Variants in SMYD3 observed in about 807,000 individuals in gnomAD.
SMYD3 encodes histone-lysine N-methyltransferase SMYD3.
In SMYD3, 36 loss-of-function variants were observed where a neutral mutation model predicts 57.7. The observed-to-expected ratio is 0.62, with a 90% CI of 0.48 to 0.82. SMYD3 has a LOEUF of 0.82. Ranked by LOEUF, SMYD3 falls within the 40% of genes least tolerant of loss-of-function variation. SMYD3 has a pLI of 0.00. For synonymous variants in SMYD3, 211 were observed against 195.0 expected, an observed-to-expected ratio of 1.08 and a Z score of -0.68; for missense variants, 515 against 538.8, an observed-to-expected ratio of 0.96 and a Z score of 0.44.
At position 246,071,373 on chromosome 1, in the gene SMYD3, G is replaced by A. The variant is rs188518531; in HGVS notation, c.532-141436C>T. ...AGGGATTAAGGACAATGATGAAGGG[G>A]AATTTTGCCTTTGTTATAAAATGTT... On this transcript the variant is annotated intron_variant, in intron 5 of 11. Transcript: ENST00000490107. Among the ~76,000 whole-genome samples the A allele has an allele frequency of 2.3e-3, 348 of 151,872 alleles. 1 individual carries two copies. The highest frequency in any genetic ancestry group is 2.7e-3 in the Non-Finnish European group (184 of 67,908).
chr1:245,930,613 G>A (rs2056656286), intron 5 of SMYD3: 1 of 157,342 alleles, frequency 6.4e-6, no homozygotes, highest in Non-Finnish European at 1.4e-5. Flanking sequence ...TAAGGTTGAT[G>A]TATGAGGTCA....
chr1:246,143,309 A>T (rs1209894424), intron 5 of SMYD3, among the ~76,000 whole-genome samples: 2 of 152,192 alleles, frequency 1.3e-5, no homozygotes, highest in African/African-American at 2.4e-5. Flanking sequence ...TGTAAGTTTA[A>T]ACAGTGTCCT....
intron 1 of SMYD3, among the ~76,000 whole-genome samples, chr1:246,496,733 G>A (rs2068370646): frequency 1.3e-5 from 2 of 152,120 alleles, no homozygotes; most frequent in South Asian, 4.1e-4. Flanking sequence ...GGCTGAGGTA[G>A]GAGGATGACT....
intron 5 of SMYD3, among the ~76,000 whole-genome samples, chr1:246,026,297 C>G (rs542103550): frequency 4.6e-5 from 7 of 152,322 alleles, no homozygotes; most frequent in African/African-American, 1.7e-4. Context: ...ATATCAGTGA[C>G]TTCTAAGTAA....
chr1:246,380,695 T>C (rs1472909307), intron 1 of SMYD3, among the ~76,000 whole-genome samples: 2 of 152,246 alleles, frequency 1.3e-5, no homozygotes, highest in Non-Finnish European at 2.9e-5. Flanking sequence ...AGAGGCAGAA[T>C]AGCAGGAACA....
At chr1:245,937,231 G>A (rs2057024040) in intron 5 of SMYD3, among the ~76,000 whole-genome samples, 2 of 151,976 alleles carry the variant, frequency 1.3e-5, no homozygotes, top group African/African-American at 4.8e-5. Flanking sequence ...TCAATATCAA[G>A]GCCAATATCA....
chr1:246,288,059 A>ATTTTTTTTTTTTTTTTTTT (rs1258559424), intron 5 of SMYD3, among the ~76,000 whole-genome samples: 1 of 98,582 alleles, frequency 1.0e-5, no homozygotes, highest in African/African-American at 3.8e-5. Flanking sequence ...CCATCAGGTA[A>ATTTTTTTTTTTTTTTTTTT]TTCTTTTTTT....
intron 5 of SMYD3, among the ~76,000 whole-genome samples, chr1:246,191,685 C>A (rs1425890791): frequency 6.6e-6 from 1 of 152,194 alleles, no homozygotes; most frequent in Admixed American, 6.5e-5. Flanking sequence ...GGTTCTGGTA[C>A]CTGTTCAACC....
intron 5 of SMYD3, among the ~76,000 whole-genome samples, chr1:245,996,504 T>C (rs1442401419): frequency 6.6e-6 from 1 of 152,152 alleles, no homozygotes; most frequent in Non-Finnish European, 1.5e-5. Flanking sequence ...AATAGACACA[T>C]ACTCATTAGG....
At chr1:245,855,341 C>G (rs1443359774) in intron 10 of SMYD3, among the ~76,000 whole-genome samples, 2 of 151,892 alleles carry the variant, frequency 1.3e-5, no homozygotes, top group Admixed American at 6.6e-5. Context: ...GAATTTATAG[C>G]CCATACAGTG....
At chr1:246,444,008 A>G (rs561439343) in intron 1 of SMYD3, among the ~76,000 whole-genome samples, 12 of 152,180 alleles carry the variant, frequency 7.9e-5, no homozygotes, top group Non-Finnish European at 1.0e-4. Context: ...CTTGATTCTA[A>G]AAGAAAGAAA....
intron 2 of SMYD3, among the ~76,000 whole-genome samples, chr1:246,351,566 T>A (rs1042254182): frequency 5.3e-5 from 8 of 152,180 alleles, no homozygotes; most frequent in African/African-American, 1.9e-4. Flanking sequence ...GACCAGAATA[T>A]AAAGCCAGTG....
At chr1:246,398,338 G>A (rs972898055) in intron 1 of SMYD3, among the ~76,000 whole-genome samples, 4 of 152,228 alleles carry the variant, frequency 2.6e-5, no homozygotes, top group Non-Finnish European at 4.4e-5. Context: ...TTCTTCCCGT[G>A]GTTAGTTTGG....
At chr1:246,071,944 A>T (rs1171798339) in intron 5 of SMYD3, among the ~76,000 whole-genome samples, 109 of 117,836 alleles carry the variant, frequency 9.3e-4, no homozygotes, top group African/African-American at 2.5e-3. Flanking sequence ...CTCACTGTGG[A>T]TGCTTCCTGT....
chr1:245,752,961 T>C (rs1311958270), intron 11 of SMYD3, among the ~76,000 whole-genome samples: 1 of 152,204 alleles, frequency 6.6e-6, no homozygotes, highest in Non-Finnish European at 1.5e-5. Context: ...CCTCCCCGTA[T>C]GAACAGACTG....
At chr1:245,986,458 G>A (rs2058706831) in intron 5 of SMYD3, among the ~76,000 whole-genome samples, 1 of 152,150 alleles carries the variant, frequency 6.6e-6, no homozygotes. Flanking sequence ...TCCTGTAGCT[G>A]GTCCAAGTTT....
chr1:245,825,804 C>G (rs1487008882), intron 10 of SMYD3, among the ~76,000 whole-genome samples: 2 of 151,390 alleles, frequency 1.3e-5, no homozygotes, highest in Non-Finnish European at 2.9e-5. Flanking sequence ...CTAATTATTC[C>G]TATTTTACAT....
chr1:246,497,849 C>T (rs1380661147), intron 1 of SMYD3, among the ~76,000 whole-genome samples: 1 of 149,220 alleles, frequency 6.7e-6, no homozygotes, highest in East Asian at 2.0e-4. Flanking sequence ...CTGGGTAACA[C>T]AGGGAGACCC....
chr1:246,479,136 C>T (rs1032474319), intron 1 of SMYD3, among the ~76,000 whole-genome samples: 72 of 147,390 alleles, frequency 4.9e-4, no homozygotes, highest in Admixed American at 2.0e-3. Flanking sequence ...AGCTGGTACA[C>T]AAGTGCTCAT....
Sources: gnomAD v4.1 joint callset for allele counts (sites outside exome capture counted in the v4.1 genomes callset) on GRCh38, gnomAD v4.1.1 for gene constraint, MANE v1.5 for transcripts, NCBI Gene and HGNC (gene_info 2026-07-23, HGNC 2026-07-21) for gene names.